KASH5: variants seen among roughly 807,000 people sequenced by gnomAD.
KASH5 encodes the protein protein KASH5.
KASH5 carries 72 observed loss-of-function variants against 84.2 expected under a neutral mutation model. The observed-to-expected ratio is 0.85, with a 90% CI of 0.71 to 1.04. The LOEUF is 1.04. Ranked by LOEUF, KASH5 falls within the 50% of genes least tolerant of loss-of-function variation. The probability of loss-of-function intolerance (pLI) is 0.00; values close to 1 mark genes in which losing one functional copy is unlikely to be tolerated. For synonymous variants in KASH5, 260 were observed against 279.1 expected (o/e 0.93, Z 0.68); for missense variants, 650 against 701.0 (o/e 0.93, Z 0.82).
intron 11 of KASH5, 83 bp from the exon 12 acceptor site, chr19:49,407,529 C>A: frequency 6.9e-7 from 1 of 1,447,778 alleles, no homozygotes; most frequent in Non-Finnish European, 9.5e-7. Context: ...TCCCTTAACC[C>A]CCCAGCCAGT....
intron 2 of KASH5, 91 bp from the exon 3 acceptor site, chr19:49,394,385 G>A (rs1017904307): frequency 1.1e-5 from 11 of 963,554 alleles, no homozygotes; most frequent in African/African-American, 6.4e-5. Flanking sequence ...TTCCCTCCCC[G>A]CTACAGAGCC....
At chr19:49,415,151 G>A in intron 17 of KASH5, 155 bp downstream of exon 17, 2 of 768,476 alleles carry the variant, frequency 2.6e-6, no homozygotes, top group Non-Finnish European at 2.2e-6. Context: ...GGCCTTTGCT[G>A]TAGCTAATGA....
At chr19:49,413,764 G>A (rs2122228375) in intron 16 of KASH5, among the ~76,000 whole-genome samples, 1 of 152,246 alleles carries the variant, frequency 6.6e-6, no homozygotes, top group African/African-American at 2.4e-5. Flanking sequence ...CTGGGAGTGA[G>A]GAAGGTGGTG....
chr19:49,401,913 G>A (rs1199405563), intron 9 of KASH5, among the ~76,000 whole-genome samples: 1 of 152,200 alleles, frequency 6.6e-6, no homozygotes, highest in African/African-American at 2.4e-5. Context: ...AATGCAGCAG[G>A]ATGTGACAGT....
chr19:49,411,197 T>C (rs965161980), intron 15 of KASH5, among the ~76,000 whole-genome samples: 4 of 148,978 alleles, frequency 2.7e-5, no homozygotes, highest in African/African-American at 9.9e-5. Context: ...CTCAGTCTCC[T>C]AGAGTGCTGG....
At position 49,417,457 on chromosome 19, in the gene KASH5, C is replaced by G; in HGVS notation, c.1636C>G (p.Pro546Ala). 1 of 1,554,680 alleles carries G rather than the reference C, an allele frequency of 6.4e-7. No individual in the cohort carries two copies. Among genetic ancestry groups the G allele is most frequent in the Non-Finnish European group, 8.7e-7 (1 of 1,149,386 alleles). Residue 546 changes from proline (P) to alanine (A), a missense_variant, in exon 20 of 20, where the codon CCT (proline) becomes GCT (alanine). Pro to Ala is a conservative substitution (Grantham distance 27). Coordinates refer to ENST00000447857, the MANE Select transcript of KASH5 (RefSeq NM_144688.5). This position sits in a 1 kb window ranked among gnomAD's most constrained non-coding sequence, Gnocchi z 5.2. ...TGTCCTGCTGCTTGGCCCGTCCCCA[C>G]CTCCCACCTGGCCCCACCTCCAGCT... is the stretch of plus-strand genomic sequence containing the variant. ...LSVLLLGPSPPPTWPHLQLCY... is the reference protein window; with the variant it reads ...LSVLLLGPSPAPTWPHLQLCY...
rs8110898 is a variant in KASH5, at chr19:49,399,840, G to A, written c.798+333G>A. On this transcript the variant is annotated intron_variant, in intron 9 of 19. Coordinates refer to ENST00000447857, the MANE Select transcript of KASH5 (RefSeq NM_144688.5). The surrounding 1 kb of genome is among the most constrained non-coding windows in gnomAD (Gnocchi z 4.4). ...CAGTGGTTTGTGTGAGACTTCAACC[G>A]AAGGATACTTGCAAAGTCTTGGGCA... 1.3e-4 allele frequency: 53 copies of A among 422,966 alleles called. No homozygotes were observed. The highest frequency in any genetic ancestry group is 2.0e-4 in the African/African-American group (10 of 51,022). The allele number at this position is 422,966 out of a possible 1,614,324, so 26.2% of individuals were successfully genotyped here.
rs115368858 is a variant in KASH5, at chr19:49,412,469, G to A, written c.1270-499G>A. ...CACCATCCTGGAGCTCGAGGATTGC[G>A]TTTAGAAAACAATGGCAAGTTGGTT... On this transcript the variant is annotated intron_variant, in intron 15 of 19. Coordinates refer to ENST00000447857, the MANE Select transcript of KASH5 (RefSeq NM_144688.5). The surrounding 1 kb of genome is among the most constrained non-coding windows in gnomAD (Gnocchi z 4.6). Among the ~76,000 whole-genome samples the A allele has an allele frequency of 2.6e-5, 4 of 152,242 alleles. No homozygotes were observed. The highest frequency in any genetic ancestry group is 2.1e-4 in the South Asian group (1 of 4,822).
At position 49,416,269 on chromosome 19, in the gene KASH5, T is replaced by C. The variant is rs1342736825; in HGVS notation, c.1375-746T>C. Among the ~76,000 whole-genome samples, 2 of 152,190 alleles carry C rather than the reference T, an allele frequency of 1.3e-5. No individual in the cohort carries two copies. Among genetic ancestry groups the C allele is most frequent in the Non-Finnish European group, 2.9e-5 (2 of 68,026 alleles). On this transcript the variant is annotated intron_variant, in intron 17 of 19. Coordinates refer to ENST00000447857, the MANE Select transcript of KASH5 (RefSeq NM_144688.5). This position sits in a 1 kb window ranked among gnomAD's most constrained non-coding sequence, Gnocchi z 5.4. ...GTGCAGTGGTGCGATCTCGGCTCACTGCAAGCTCCACCTCCCAGGTTCACA... is the reference window on the plus strand; with the variant it reads ...GTGCAGTGGTGCGATCTCGGCTCACCGCAAGCTCCACCTCCCAGGTTCACA...
rs574200334 is a variant in KASH5 at position 49,414,673 on chromosome 19, A to G, written c.1329-278A>G. On this transcript the variant is annotated intron_variant, in intron 16 of 19. Coordinates refer to ENST00000447857, the MANE Select transcript of KASH5 (RefSeq NM_144688.5). The surrounding 1 kb of genome is among the most constrained non-coding windows in gnomAD (Gnocchi z 4.5). ...CCTGTGAAAAATACATATGCAGGAC[A>G]CCCCCCAGGCCCGTCCGTGCTGCCT... Among the ~76,000 whole-genome samples the G allele has an allele frequency of 9.9e-5, 15 of 151,302 alleles. No individual in the cohort carries two copies. In the South Asian group the frequency reaches 2.9e-3, roughly 30 times the overall value.
rs1600969240 is a variant in KASH5 at position 49,417,751 on chromosome 19, G to A, written c.*241G>A. The A allele has an allele frequency of 2.1e-6, 1 of 475,114 alleles. No homozygotes were observed. The highest frequency in any genetic ancestry group is 3.6e-5 in the East Asian group (1 of 27,556). The allele number at this position is 475,114 out of a possible 1,614,324, so 29.4% of individuals were successfully genotyped here. ...TAAGGATTATTCCCTCACAAAACAA[G>A]CCTGGCGAGGGCAGCTGTGGGCACA... On this transcript the variant is annotated 3_prime_UTR_variant, in exon 20 of 20. Coordinates refer to ENST00000447857, the MANE Select transcript of KASH5 (RefSeq NM_144688.5). The surrounding 1 kb of genome is among the most constrained non-coding windows in gnomAD (Gnocchi z 5.2).
intron 17 of KASH5, chr19:49,415,211 T>G: frequency 3.3e-6 from 2 of 604,476 alleles, no homozygotes; most frequent in Non-Finnish European, 5.9e-6. Flanking sequence ...GCGGCCAGGC[T>G]GCTCCCAGGG....
At chr19:49,398,177 C>A (rs1409962152) in intron 7 of KASH5, 34 bp downstream of exon 7, 1 of 1,526,572 alleles carries the variant, frequency 6.6e-7, no homozygotes, top group Non-Finnish European at 8.8e-7. Context: ...CTCCCCAGCG[C>A]CCCTGCCTCC....
In KASH5 at chr19:49,398,057, C is replaced by A. The variant is rs890039833; in HGVS notation, c.543C>A (p.Ala181=). The change falls in exon 7 of 20, where the codon GCC becomes GCA. Residue 181 remains alanine, a synonymous_variant. Transcript: ENST00000447857. ...LSNRRLVGEN[A]KLQRSMETAE... is the part of the protein sequence containing the mutation. ...ACCGACGTCTGGTTGGGGAGAATGCCAAATTGCAGCGGAGCATGGAGACAG... is the reference window on the plus strand; with the variant it reads ...ACCGACGTCTGGTTGGGGAGAATGCAAAATTGCAGCGGAGCATGGAGACAG... 6.2e-7 allele frequency: 1 copy of A among 1,613,828 alleles called. No individual in the cohort carries two copies. Among genetic ancestry groups the A allele is most frequent in the Non-Finnish European group, 8.5e-7 (1 of 1,179,786 alleles).
chr19:49,395,344 C>A lies in KASH5; in HGVS notation c.335+52C>A, dbSNP rs1420823908. 9 of 1,567,326 alleles carry A rather than the reference C, an allele frequency of 5.7e-6. No homozygotes were observed. The highest frequency in any genetic ancestry group is 7.8e-6 in the Non-Finnish European group (9 of 1,150,218). On this transcript the variant is annotated intron_variant, in intron 4 of 19. Transcript: ENST00000447857. This position sits in a 1 kb window ranked among gnomAD's most constrained non-coding sequence, Gnocchi z 4.4. The stretch of plus-strand genomic sequence containing the variant: ...CTGGGAAGTCCTTCCTAAGATCTAA[C>A]CTCATACCTGCTTACTGGAGCCAGC...
chr19:49,417,707 C>T lies in KASH5; in HGVS notation c.*197C>T. On this transcript the variant is annotated 3_prime_UTR_variant, in exon 20 of 20. Transcript: ENST00000447857. The surrounding 1 kb of genome is among the most constrained non-coding windows in gnomAD (Gnocchi z 5.2). ...ATTTCTTAACAATAGCAAAACTCCC[C>T]CAGTAATGGATTAAGCACTAAGGAT... 1 of 654,434 alleles carries T rather than the reference C, an allele frequency of 1.5e-6. No individual in the cohort carries two copies. Among genetic ancestry groups the T allele is most frequent in the Non-Finnish European group, 2.3e-6 (1 of 431,524 alleles). The allele number at this position is 654,434 out of a possible 1,614,324, so 40.5% of individuals were successfully genotyped here. A position where few individuals can be genotyped will look rare whatever the true frequency, so the allele number is the denominator to read the frequency against.
At chr19:49,398,578 A>G (rs569224893) in intron 7 of KASH5, among the ~76,000 whole-genome samples, 1 of 152,152 alleles carries the variant, frequency 6.6e-6, no homozygotes, top group South Asian at 2.1e-4. Flanking sequence ...TGTGTTGCCC[A>G]TGCTGGTCTC....
chr19:49,411,500 C>A (rs1974707341), intron 15 of KASH5, among the ~76,000 whole-genome samples: 1 of 152,288 alleles, frequency 6.6e-6, no homozygotes, highest in Non-Finnish European at 1.5e-5. Context: ...AACTGAGGCT[C>A]AGGGAGAAAT....
chr19:49,397,482 ACAAG>A (rs1974218861), intron 5 of KASH5, among the ~76,000 whole-genome samples, 165 bp from the exon 6 acceptor site: 1 of 152,142 alleles, frequency 6.6e-6, no homozygotes, highest in Non-Finnish European at 1.5e-5. Context: ...AAGGTAGAAG[ACAAG>A]CAAGAGGGCT....
Sources: gnomAD v4.1 joint callset for allele counts (sites outside exome capture counted in the v4.1 genomes callset) on GRCh38, gnomAD v4.1.1 for gene constraint, Gnocchi (gnomAD v3.1) non-coding constraint, MANE v1.5 for transcripts, NCBI Gene and HGNC (gene_info 2026-07-23, HGNC 2026-07-21) for gene names.